The following IPCEF1 variants were observed in gnomAD, a reference collection of about 807,000 sequenced individuals.
IPCEF1 encodes the protein interactor protein for cytohesin exchange factors 1.
In IPCEF1, 31 loss-of-function variants were observed where a neutral mutation model predicts 50.9. The observed-to-expected ratio is 0.61, with a 90% confidence interval of 0.46 to 0.82. IPCEF1 has a LOEUF of 0.82. Among genes scored for constraint, IPCEF1 ranks in the 40% least tolerant of loss-of-function variants. The pLI, the probability that IPCEF1 is intolerant of heterozygous loss-of-function variation, is 0.00. For missense variants in IPCEF1, 458 were observed against 514.0 expected (o/e 0.89, Z 1.05); for synonymous variants, 181 against 192.0 (o/e 0.94, Z 0.47).
rs986816638 is a variant in IPCEF1, at chr6:154,156,928, A to G, written c.*2900T>C. The stretch of plus-strand genomic sequence containing the variant: ...TCCTAATCTTTAGCAGGTGCCACAG[A>G]TTTGGATCTACGTGTGCTGAGAGAT... On this transcript the variant is annotated 3_prime_UTR_variant, in exon 12 of 12. Coordinates refer to ENST00000367220, the MANE Select transcript of IPCEF1 (RefSeq NM_001130700.2). The G allele has an allele frequency of 2.0e-5, 3 of 152,208 alleles. No individual in the cohort carries two copies. The highest frequency in any genetic ancestry group is 7.2e-5 in the African/African-American group (3 of 41,408). The allele number at this position is 152,208 out of a possible 1,614,324, so 9.4% of individuals were successfully genotyped here.
At chr6:154,221,940 G>T (rs1778900047) in intron 6 of IPCEF1, among the ~76,000 whole-genome samples, 1 of 152,238 alleles carries the variant, frequency 6.6e-6, no homozygotes, top group South Asian at 2.1e-4. Context: ...CTTGCTAACT[G>T]CTTTGCTATA....
intron 1 of IPCEF1, among the ~76,000 whole-genome samples, chr6:154,320,866 C>G (rs1783355521): frequency 6.6e-6 from 1 of 151,944 alleles, no homozygotes; most frequent in Admixed American, 6.6e-5. Flanking sequence ...ATAATTTTAT[C>G]TATAGACATA....
chr6:154,205,669 G>A (rs571991671), intron 9 of IPCEF1, among the ~76,000 whole-genome samples: 21 of 152,284 alleles, frequency 1.4e-4, no homozygotes, highest in Admixed American at 5.9e-4. Flanking sequence ...TACCTAACTA[G>A]TTAGTGTATA....
intron 10 of IPCEF1, among the ~76,000 whole-genome samples, chr6:154,195,147 CTTTT>C (rs10719288): frequency 2.4e-5 from 3 of 122,892 alleles, no homozygotes. Context: ...TCTTTTCTTT[CTTTT>C]TTTTTTTTTT....
At chr6:154,162,108 C>G (rs1209416052) in intron 11 of IPCEF1, among the ~76,000 whole-genome samples, 1 of 152,192 alleles carries the variant, frequency 6.6e-6, no homozygotes, top group Non-Finnish European at 1.5e-5. Context: ...CTGCCCTGTT[C>G]ACAGAGATGG....
intron 1 of IPCEF1, among the ~76,000 whole-genome samples, chr6:154,336,154 T>C (rs1484735996): frequency 2.6e-5 from 4 of 152,192 alleles, no homozygotes; most frequent in Non-Finnish European, 5.9e-5. Context: ...TGCTCCCACA[T>C]TCCCACTATT....
At chr6:154,222,218 C>T (rs1034812322) in intron 6 of IPCEF1, among the ~76,000 whole-genome samples, 2 of 152,198 alleles carry the variant, frequency 1.3e-5, no homozygotes, top group African/African-American at 4.8e-5. Flanking sequence ...GAAGGGCTTC[C>T]ACTTTACCCT....
intron 1 of IPCEF1, among the ~76,000 whole-genome samples, chr6:154,309,380 C>T (rs1047590670): frequency 6.6e-6 from 1 of 152,180 alleles, no homozygotes; most frequent in African/African-American, 2.4e-5. Flanking sequence ...AACAGGAGCT[C>T]ACAACATGTG....
chr6:154,176,705 G>A (rs554474600), intron 10 of IPCEF1, among the ~76,000 whole-genome samples: 19 of 152,302 alleles, frequency 1.2e-4, no homozygotes, highest in African/African-American at 4.6e-4. Context: ...CCATGCTCAT[G>A]GATAGGAAGA....
At chr6:154,326,220 T>C (rs1307900503) in intron 1 of IPCEF1, among the ~76,000 whole-genome samples, 1 of 122,350 alleles carries the variant, frequency 8.2e-6, no homozygotes, top group African/African-American at 4.1e-5. Flanking sequence ...AGACCTTGTC[T>C]CAAAAAAAAA....
intron 8 of IPCEF1, 27 bp from the exon 9 acceptor site, chr6:154,212,882 GT>G (rs1345331642): frequency 1.4e-6 from 2 of 1,465,238 alleles, no homozygotes; most frequent in Non-Finnish European, 1.9e-6. Flanking sequence ...AATGCTTAAT[GT>G]TTTAACGCTG....
rs1475606950 is a variant in IPCEF1 at position 154,240,617 on chromosome 6, G to A, written c.246+5974C>T. Among the ~76,000 whole-genome samples, 10 of 152,110 alleles carry A rather than the reference G, an allele frequency of 6.6e-5. No individual in the cohort carries two copies. The East Asian group carries it at 1.9e-3, about 29-fold the overall frequency. ...GACTTTCAAGTAACATTTTCTACAT[G>A]GGTAATTCTGCCCAATGTAAAAAGT... On this transcript the variant is annotated intron_variant, in intron 5 of 11. Transcript: ENST00000367220.
At chr6:154,248,090 A>C (rs1781203208) in intron 3 of IPCEF1, among the ~76,000 whole-genome samples, 1 of 152,222 alleles carries the variant, frequency 6.6e-6, no homozygotes, top group African/African-American at 2.4e-5. Flanking sequence ...ATTTACAGAC[A>C]AATTAAAGTT....
intron 5 of IPCEF1, among the ~76,000 whole-genome samples, chr6:154,227,591 G>A (rs9322452): frequency 2.0e-5 from 3 of 152,002 alleles, no homozygotes; most frequent in East Asian, 1.9e-4. Context: ...GGCAGCACAC[G>A]CCTATATTCC....
At chr6:154,284,930 G>C (rs531905690) in intron 2 of IPCEF1, among the ~76,000 whole-genome samples, 19 of 152,128 alleles carry the variant, frequency 1.2e-4, no homozygotes, top group Non-Finnish European at 5.9e-5. Flanking sequence ...AACCCAGGAG[G>C]CAGAGGTTGC....
chr6:154,292,420 T>G (rs1782538434), intron 1 of IPCEF1, among the ~76,000 whole-genome samples: 1 of 152,248 alleles, frequency 6.6e-6, no homozygotes, highest in Non-Finnish European at 1.5e-5. Context: ...TGATATGGAT[T>G]AATTTATGAA....
chr6:154,300,663 GA>G (rs1184010294), intron 1 of IPCEF1, among the ~76,000 whole-genome samples: 1 of 151,956 alleles, frequency 6.6e-6, no homozygotes, highest in Non-Finnish European at 1.5e-5. Context: ...AACAAAAAAA[GA>G]AGCAAAGTAG....
intron 3 of IPCEF1, among the ~76,000 whole-genome samples, chr6:154,265,490 A>T: frequency 6.6e-6 from 1 of 151,582 alleles, no homozygotes. Context: ...CATGTTGGCC[A>T]GGCTGGTCTC....
intron 2 of IPCEF1, among the ~76,000 whole-genome samples, chr6:154,282,259 C>T (rs923300309): frequency 6.6e-6 from 1 of 152,186 alleles, no homozygotes; most frequent in Non-Finnish European, 1.5e-5. Flanking sequence ...CCAGCACTGA[C>T]AACAGACTGA....
Sources: gnomAD v4.1 joint callset for allele counts (sites outside exome capture counted in the v4.1 genomes callset) on GRCh38, gnomAD v4.1.1 for gene constraint, MANE v1.5 for transcripts, NCBI Gene and HGNC (gene_info 2026-07-23, HGNC 2026-07-21) for gene names.